ARHGAP28: variants seen among roughly 807,000 people sequenced by gnomAD.
The protein encoded by ARHGAP28 is Rho GTPase activating protein 28.
Under a neutral mutation model 90.7 loss-of-function variants are expected in ARHGAP28, and 56 were observed. That is an observed-to-expected ratio of 0.62 (90% CI 0.50 to 0.77). ARHGAP28 has a LOEUF of 0.77. Ranked by LOEUF, ARHGAP28 falls within the 30% of genes least tolerant of loss-of-function variation. ARHGAP28 has a pLI of 0.00. For missense variants in ARHGAP28, 869 were observed against 900.9 expected (o/e 0.96, Z 0.45); for synonymous variants, 308 against 323.3 (o/e 0.95, Z 0.51).
intron 16 of ARHGAP28, among the ~76,000 whole-genome samples, chr18:6,905,584 C>T (rs2057360935): frequency 6.6e-6 from 1 of 151,966 alleles, no homozygotes; most frequent in South Asian, 2.1e-4. Flanking sequence ...GGGAGGCATA[C>T]AAGTTATAAA....
intron 16 of ARHGAP28, among the ~76,000 whole-genome samples, chr18:6,904,849 A>G (rs1390224654): frequency 1.3e-5 from 2 of 152,188 alleles, no homozygotes; most frequent in Non-Finnish European, 2.9e-5. Flanking sequence ...CTCAAAAGCC[A>G]CTAATTACCA....
At chr18:6,770,901 G>C (rs1178695167) in intron 1 of ARHGAP28, among the ~76,000 whole-genome samples, 1 of 152,090 alleles carries the variant, frequency 6.6e-6, no homozygotes, top group African/African-American at 2.4e-5. Flanking sequence ...ACCATACTCT[G>C]TTCTTAGAGA....
intron 16 of ARHGAP28, among the ~76,000 whole-genome samples, chr18:6,903,560 C>T (rs1055936252): frequency 3.3e-5 from 5 of 152,004 alleles, no homozygotes; most frequent in Non-Finnish European, 5.9e-5. Flanking sequence ...AGGCTGGGCA[C>T]GATGACTCAT....
chr18:6,840,277 C>T (rs2056795883), intron 3 of ARHGAP28, among the ~76,000 whole-genome samples: 1 of 152,200 alleles, frequency 6.6e-6, no homozygotes, highest in Non-Finnish European at 1.5e-5. Context: ...CTGCCTTTCT[C>T]ACTTCTATTT....
chr18:6,803,769 A>T (rs1332773897), intron 1 of ARHGAP28, among the ~76,000 whole-genome samples: 2 of 151,578 alleles, frequency 1.3e-5, no homozygotes, highest in Admixed American at 6.6e-5. Flanking sequence ...TTTATTTCTT[A>T]TTTTTATTTT....
chr18:6,886,123 C>A (rs1344173399), intron 11 of ARHGAP28, among the ~76,000 whole-genome samples: 1 of 152,148 alleles, frequency 6.6e-6, no homozygotes, highest in Admixed American at 6.5e-5. Context: ...ACGCACAGCT[C>A]CAGTAACCTA....
At chr18:6,910,375 A>G (rs2057389489) in intron 17 of ARHGAP28, among the ~76,000 whole-genome samples, 1 of 152,112 alleles carries the variant, frequency 6.6e-6, no homozygotes, top group Admixed American at 6.6e-5. Flanking sequence ...AGCTCAATCC[A>G]TCTCACTGCT....
intron 1 of ARHGAP28, among the ~76,000 whole-genome samples, chr18:6,812,605 CAGCTATTGATCAGAGACATAT>C (rs111759255): frequency 0.082 from 12,318 of 151,092 alleles, 1,602 homozygotes; most frequent in African/African-American, 0.28. Flanking sequence ...CCCATGGCAT[CAGCTATTGATCAGAGACATAT>C]AGCTTTTCGT....
intron 3 of ARHGAP28, among the ~76,000 whole-genome samples, chr18:6,839,853 G>T (rs938456093): frequency 6.6e-6 from 1 of 152,160 alleles, no homozygotes; most frequent in Non-Finnish European, 1.5e-5. Context: ...TTTGACTTAT[G>T]ATGTGCATTT....
chr18:6,811,135 T>C (rs897199392), intron 1 of ARHGAP28, among the ~76,000 whole-genome samples: 3 of 152,170 alleles, frequency 2.0e-5, no homozygotes, highest in African/African-American at 7.2e-5. Context: ...TCTAGTCCAA[T>C]TGATTGTAAA....
intron 1 of ARHGAP28, among the ~76,000 whole-genome samples, chr18:6,741,487 A>G (rs971456916): frequency 6.6e-6 from 1 of 152,318 alleles, no homozygotes. Flanking sequence ...ATCCTTCATG[A>G]GGCAATGATC....
intron 12 of ARHGAP28, among the ~76,000 whole-genome samples, chr18:6,887,978 G>A (rs1193216707): frequency 6.6e-6 from 1 of 152,154 alleles, no homozygotes; most frequent in Non-Finnish European, 1.5e-5. Context: ...TCCTCAGGGA[G>A]GAATTTGAAA....
intron 7 of ARHGAP28, 130 bp downstream of exon 7, chr18:6,870,862 G>C: frequency 3.3e-6 from 3 of 920,322 alleles, no homozygotes; most frequent in East Asian, 3.1e-5. Context: ...GTGCAGTGGC[G>C]CGATCTCGGC....
chr18:6,835,071 G>A (rs549800135), intron 2 of ARHGAP28, among the ~76,000 whole-genome samples: 17 of 152,126 alleles, frequency 1.1e-4, no homozygotes, highest in Non-Finnish European at 1.9e-4. Context: ...GCCAACAGGA[G>A]TAATACTGGT....
intron 1 of ARHGAP28, chr18:6,754,713 G>A (rs1040389431): frequency 2.0e-5 from 3 of 152,216 alleles, no homozygotes; most frequent in African/African-American, 7.2e-5. Flanking sequence ...ATCTTCATAA[G>A]TAATATTGTG....
At chr18:6,871,903 T>C (rs890179989) in intron 7 of ARHGAP28, among the ~76,000 whole-genome samples, 9 of 152,032 alleles carry the variant, frequency 5.9e-5, no homozygotes, top group African/African-American at 2.2e-4. Context: ...TGGACCCTAG[T>C]GATTACGTCC....
chr18:6,750,606 T>C (rs1029041002), intron 1 of ARHGAP28, among the ~76,000 whole-genome samples: 19 of 152,222 alleles, frequency 1.2e-4, no homozygotes, highest in Non-Finnish European at 2.1e-4. Flanking sequence ...TGCTTGGTGC[T>C]GTGTATGGCC....
chr18:6,807,359 C>T (rs910855326), intron 1 of ARHGAP28, among the ~76,000 whole-genome samples: 2 of 152,058 alleles, frequency 1.3e-5, no homozygotes, highest in African/African-American at 4.8e-5. Context: ...ATTTGCAAGC[C>T]TCGTCATTTT....
At chr18:6,877,595 C>T (rs886844041) in intron 10 of ARHGAP28, among the ~76,000 whole-genome samples, 3 of 152,166 alleles carry the variant, frequency 2.0e-5, no homozygotes, top group Admixed American at 6.5e-5. Context: ...ATCAGGGCTC[C>T]GGGCATGTTG....
Sources: allele counts gnomAD v4.1 joint callset (sites outside exome capture counted in the v4.1 genomes callset), GRCh38; gene constraint gnomAD v4.1.1; transcripts MANE v1.5; gene names NCBI Gene and HGNC (gene_info 2026-07-23, HGNC 2026-07-21).